SYT12: variants seen among roughly 807,000 people sequenced by gnomAD.
The protein encoded by SYT12 is synaptotagmin-12.
SYT12 carries 27 observed loss-of-function variants against 39.5 expected under a neutral mutation model. The observed-to-expected ratio is 0.68, with a 90% confidence interval of 0.50 to 0.94. SYT12 has a LOEUF of 0.94. SYT12 is among the 40% of genes least tolerant of loss of function. The probability of loss-of-function intolerance (pLI) is 0.00; values close to 1 mark genes in which losing one functional copy is unlikely to be tolerated. For missense variants in SYT12, 536 were observed against 572.6 expected, an observed-to-expected ratio of 0.94 and a Z score of 0.65; for synonymous variants, 233 against 239.7, an observed-to-expected ratio of 0.97 and a Z score of 0.26.
intron 3 of SYT12, among the ~76,000 whole-genome samples, chr11:67,015,762 A>T (rs1000415982): frequency 2.0e-5 from 3 of 152,152 alleles, no homozygotes; most frequent in African/African-American, 7.2e-5. Flanking sequence ...ATCCCTTCAT[A>T]TGGTAAACGC....
intron 2 of SYT12, 137 bp downstream of exon 2, chr11:67,030,315 TGC>T: frequency 9.6e-7 from 1 of 1,045,530 alleles, no homozygotes; most frequent in Admixed American, 2.3e-5. Flanking sequence ...GTCAGTGACT[TGC>T]CCAAGGTCAG....
chr11:67,014,430 G>A (rs1038652541), intron 3 of SYT12, among the ~76,000 whole-genome samples: 5 of 152,192 alleles, frequency 3.3e-5, no homozygotes, highest in African/African-American at 4.8e-5. Flanking sequence ...GTATGAGGGC[G>A]GGGAACAGGC....
chr11:67,036,655 G>A (rs1950386385), intron 3 of SYT12, among the ~76,000 whole-genome samples: 1 of 152,084 alleles, frequency 6.6e-6, no homozygotes, highest in African/African-American at 2.4e-5. Flanking sequence ...AATTTTCCAG[G>A]CCTGGTGTGG....
intron 3 of SYT12, among the ~76,000 whole-genome samples, chr11:67,035,206 A>G (rs1645328920): frequency 2.6e-5 from 4 of 151,070 alleles, no homozygotes; most frequent in Admixed American, 2.0e-4. Context: ...ACGGGGTTTC[A>G]CCATGTTGGT....
chr11:67,012,552 G>A (rs1291960609), intron 3 of SYT12, among the ~76,000 whole-genome samples: 1 of 152,148 alleles, frequency 6.6e-6, no homozygotes, highest in Non-Finnish European at 1.5e-5. Flanking sequence ...CAAGAGGGTA[G>A]GGTCTGTCTC....
chr11:67,047,607 C>T (rs557616908), intron 7 of SYT12, among the ~76,000 whole-genome samples: 1 of 151,188 alleles, frequency 6.6e-6, no homozygotes, highest in South Asian at 2.1e-4. Context: ...GATGGAGAAG[C>T]TGAGGTAGCA....
rs547991595 is a variant in SYT12, at chr11:67,014,972, C to T, written c.-69+3978C>T. Among the ~76,000 whole-genome samples the T allele has an allele frequency of 3.9e-5, 6 of 152,262 alleles. No individual in the cohort carries two copies. The South Asian group carries it at 6.2e-4, about 16-fold the overall frequency. On this transcript the variant is annotated intron_variant, in intron 3 of 10. Transcript: ENST00000393946. ...TTCACAGTAAAATATTCCTGCATCA[C>T]GTAGCTCCCGCCACAAACTACTTAA...
At chr11:67,030,811 C>G (rs2136211223) in intron 2 of SYT12, 1 of 152,484 alleles carries the variant, frequency 6.6e-6, no homozygotes, top group African/African-American at 2.4e-5. Context: ...GCAGCCCTCC[C>G]CATGGACAGC....
At chr11:67,017,318 T>G (rs1950066027) in intron 3 of SYT12, among the ~76,000 whole-genome samples, 1 of 151,532 alleles carries the variant, frequency 6.6e-6, no homozygotes, top group Non-Finnish European at 1.5e-5. Context: ...GCCCGGGAGT[T>G]CAAGACCAGC....
upstream of SYT12, among the ~76,000 whole-genome samples, chr11:67,022,399 T>A (rs1422331333): frequency 6.6e-6 from 1 of 152,112 alleles, no homozygotes; most frequent in African/African-American, 2.4e-5. Context: ...CCCTGGTTAC[T>A]GTGCCCACAA....
chr11:67,017,360 A>ATTTT (rs11444184), intron 3 of SYT12, among the ~76,000 whole-genome samples: 1 of 139,522 alleles, frequency 7.2e-6, no homozygotes, highest in Admixed American at 7.3e-5. Context: ...CATTTCTACA[A>ATTTT]TTTTTTTTTT....
At chr11:67,036,694 G>C (rs1391532304) in intron 3 of SYT12, among the ~76,000 whole-genome samples, 1 of 152,168 alleles carries the variant, frequency 6.6e-6, no homozygotes, top group African/African-American at 2.4e-5. Flanking sequence ...CCAGCACTTT[G>C]GGAGGCCGAG....
At chr11:67,030,041 G>A (rs1328055063) in intron 1 of SYT12, 81 bp from the exon 2 acceptor site, 8 of 1,315,132 alleles carry the variant, frequency 6.1e-6, no homozygotes, top group African/African-American at 4.3e-5. Context: ...TGACAGGCAC[G>A]TGGGTGCCAG....
At chr11:67,008,938 G>C (rs1196106356) in intron 1 of SYT12, among the ~76,000 whole-genome samples, 1 of 152,180 alleles carries the variant, frequency 6.6e-6, no homozygotes, top group African/African-American at 2.4e-5. Context: ...TGGGAGGATT[G>C]AATGAGCCAA....
Position 67,035,800 on chromosome 11 carries a change from TCCTTCCTTCCTTCCTTC to T in SYT12, c.228+964_228+980del, listed in dbSNP as rs1565337241. Among the ~76,000 whole-genome samples, 263 of 53,982 alleles carry T rather than the reference TCCTTCCTTCCTTCCTTC, an allele frequency of 4.9e-3. 11 individuals are homozygous for T. Among genetic ancestry groups the T allele is most frequent in the African/African-American group, 0.018 (233 of 13,144 alleles). 35.4% of individuals were successfully genotyped at this position (53,982 alleles called of 152,430 possible). Reference sequence around the variant, plus strand: ...TTTTCTTTTCTTTTCTTTCCTTCCTTCCTTCCTTCCTTCCTTCCTTCCTTCCTTCCTTCCTTCCTTTC... The same window carrying T: ...TTTTCTTTTCTTTTCTTTCCTTCCTTCTTCCTTCCTTCCTTCCTTCCTTTC... On this transcript the variant is annotated intron_variant, in intron 3 of 7. Coordinates refer to ENST00000527043, the MANE Select transcript of SYT12 (RefSeq NM_177963.4).
At chr11:67,019,332 C>T (rs963168718), upstream of SYT12, among the ~76,000 whole-genome samples, 4 of 151,984 alleles carry the variant, frequency 2.6e-5, no homozygotes, top group South Asian at 2.1e-4. Flanking sequence ...ATTAGCCGGG[C>T]GTGTTGGCGC....
chr11:67,030,088 C>T (rs1950236778), intron 1 of SYT12, 34 bp from the exon 2 acceptor site: 9 of 1,605,782 alleles, frequency 5.6e-6, no homozygotes, highest in Non-Finnish European at 7.7e-6. Flanking sequence ...TGACTCTCTG[C>T]AGCCCTCTCC....
chr11:67,045,757 G>C lies in SYT12; in HGVS notation c.972G>C (p.Lys324Asn). 1 of 1,613,936 alleles carries C rather than the reference G, an allele frequency of 6.2e-7. No individual in the cohort carries two copies. Among genetic ancestry groups the C allele is most frequent in the Non-Finnish European group, 8.5e-7 (1 of 1,179,950 alleles). ...NDKTTADPFVKVYLLQDGRKM... is the reference protein window; with the variant it reads ...NDKTTADPFVNVYLLQDGRKM... ...GCCTGCCCACAGACCCCTTCGTCAA[G>C]GTGTACCTGCTGCAGGATGGGAGGA... The change falls in exon 7 of 8, where the codon AAG (lysine) becomes AAC (asparagine). Residue 324 changes from lysine (K) to asparagine (N), a missense_variant. Physicochemically the swap from Lys to Asn is moderately conservative, Grantham distance 94. Coordinates refer to ENST00000527043, the MANE Select transcript of SYT12 (RefSeq NM_177963.4).
Position 67,043,847 on chromosome 11 carries a change from G to C in SYT12, c.831G>C (p.Gln277His). 1 of 1,613,980 alleles carries C rather than the reference G, an allele frequency of 6.2e-7. No homozygotes were observed. ...PFSGWLYLQDQNKAADAVGEI... is the reference protein window; with the variant it reads ...PFSGWLYLQDHNKAADAVGEI... ...GTGGCTGGCTCTATTTACAGGACCA[G>C]AACAAGGTAAGTGACTTGCCTGCTC... Residue 277 changes from glutamine (Q) to histidine (H), a missense_variant, in exon 5 of 8, where the codon CAG (glutamine) becomes CAC (histidine). Coordinates refer to ENST00000527043, the MANE Select transcript of SYT12 (RefSeq NM_177963.4).
Sources: gnomAD v4.1 joint callset for allele counts (sites outside exome capture counted in the v4.1 genomes callset) on GRCh38, gnomAD v4.1.1 for gene constraint, MANE v1.5 for transcripts, NCBI Gene and HGNC (gene_info 2026-07-23, HGNC 2026-07-21) for gene names.